The following PPM1A variants were observed in gnomAD, a reference collection of about 807,000 sequenced individuals.
PPM1A encodes the protein protein phosphatase 1A.
PPM1A carries 7 observed loss-of-function variants against 35.0 expected under a neutral mutation model. That is an observed-to-expected ratio of 0.20 (90% CI 0.11 to 0.38). The LOEUF (loss-of-function observed/expected upper bound fraction) is 0.38. Among genes scored for constraint, PPM1A ranks in the 10% least tolerant of loss-of-function variants. The pLI is 1.00. For synonymous variants in PPM1A, 153 were observed against 167.3 expected (o/e 0.91, Z 0.66); for missense variants, 239 against 467.8 (o/e 0.51, Z 4.51).
At chr14:60,287,186 A>AG in intron 3 of PPM1A, 1 of 940,016 alleles carries the variant, frequency 1.1e-6, no homozygotes, top group Non-Finnish European at 1.3e-6. Context: ...TTTTCTCTTT[A>AG]GTGTGTACAC....
In PPM1A at chr14:60,250,879, C is replaced by CT. The variant is rs1882323272; in HGVS notation, c.-21+1203dup. On this transcript the variant is annotated intron_variant, in intron 1 of 5. Coordinates refer to ENST00000395076, the MANE Select transcript of PPM1A (RefSeq NM_021003.5). The stretch of plus-strand genomic sequence containing the variant: ...ATTTAGCATAGCTTGGTCCCCAACT[C>CT]TCTTTGAAACACTTTACTTTTATAC... Among the ~76,000 whole-genome samples the CT allele has an allele frequency of 2.0e-5, 3 of 152,340 alleles. No homozygotes were observed. In the South Asian group the frequency reaches 6.2e-4, roughly 32 times the overall value.
chr14:60,286,287 A>G, intron 3 of PPM1A: 2 of 985,914 alleles, frequency 2.0e-6, no homozygotes, highest in Non-Finnish European at 2.4e-6. Context: ...CCTAAACAAG[A>G]TAGACCTCAA....
At position 60,289,838 on chromosome 14, in the gene PPM1A, G is replaced by A. The variant is rs756924885; in HGVS notation, c.985G>A (p.Asp329Asn). 36 of 1,606,960 alleles carry A rather than the reference G, an allele frequency of 2.2e-5. No individual in the cohort carries two copies. The highest frequency in any genetic ancestry group is 6.9e-5 in the Admixed American group (4 of 58,000). ...IIKKQGEGVP[D>N]LVHVMRTLAS... ...AAAGAAGCAGGGGGAAGGCGTCCCC[G>A]ACTTAGTCCATGTGATGCGCACATT... Residue 329 changes from aspartate to asparagine, a missense_variant, in exon 4 of 6, where the codon GAC becomes AAC. Physicochemically the swap from Asp to Asn is conservative, Grantham distance 23. Coordinates refer to ENST00000395076, the MANE Select transcript of PPM1A (RefSeq NM_021003.5). This position sits in a 1 kb window ranked among gnomAD's most constrained non-coding sequence, Gnocchi z 4.1.
chr14:60,269,386 T>C (rs772781973), intron 1 of PPM1A, among the ~76,000 whole-genome samples: 2 of 152,220 alleles, frequency 1.3e-5, no homozygotes, highest in African/African-American at 2.4e-5. Flanking sequence ...TGTCTTCTTA[T>C]TGCGTTTACA....
chr14:60,277,179 G>A (rs916091830), intron 1 of PPM1A: 9 of 319,160 alleles, frequency 2.8e-5, no homozygotes, highest in Non-Finnish European at 3.5e-5. Flanking sequence ...ATGGATATAC[G>A]CCAATTTAAT....
At chr14:60,268,308 T>C in intron 1 of PPM1A, 3 of 984,264 alleles carry the variant, frequency 3.0e-6, no homozygotes, top group Non-Finnish European at 3.6e-6. Context: ...TGGTCTTCAC[T>C]CTAGCACTAA....
Position 60,285,699 on chromosome 14 carries a change from A to G in PPM1A, c.910A>G (p.Lys304Glu). 2 of 1,614,088 alleles carry G rather than the reference A, an allele frequency of 1.2e-6. No individual in the cohort carries two copies. Among genetic ancestry groups the G allele is most frequent in the South Asian group, 1.1e-5 (1 of 91,054 alleles). The change falls in exon 3 of 6, where the codon AAG becomes GAG. Residue 304 changes from lysine to glutamate, a missense_variant. Physicochemically the swap from Lys to Glu is moderately conservative, Grantham distance 56. Coordinates refer to ENST00000395076, the MANE Select transcript of PPM1A (RefSeq NM_021003.5). ...APKVSPEAVK[K>E]EAELDKYLEC... ...CAAAGTATCGCCAGAAGCAGTGAAG[A>G]AGGAGGCAGAGTTGGACAAGTACCT... is the stretch of plus-strand genomic sequence containing the variant.
rs1435379478 is a variant in PPM1A at position 60,295,287 on chromosome 14, TC to T, written c.*2807del. On this transcript the variant is annotated 3_prime_UTR_variant, in exon 6 of 6. Coordinates refer to ENST00000395076, the MANE Select transcript of PPM1A (RefSeq NM_021003.5). ...ATTAACAGGGTAGAATCTCCTAATTTCCACTTTCTTGGGAATATACTTTTAT... is the reference window on the plus strand; with the variant it reads ...ATTAACAGGGTAGAATCTCCTAATTTCACTTTCTTGGGAATATACTTTTAT... 2 of 151,800 alleles carry T rather than the reference TC, an allele frequency of 1.3e-5. No individual in the cohort carries two copies. Among genetic ancestry groups the T allele is most frequent in the Non-Finnish European group, 3.0e-5 (2 of 67,764 alleles). 9.4% of individuals were successfully genotyped at this position (151,800 alleles called of 1,614,324 possible).
chr14:60,290,486 C>G (rs1348606315), intron 4 of PPM1A, among the ~76,000 whole-genome samples: 1 of 152,122 alleles, frequency 6.6e-6, no homozygotes, highest in Non-Finnish European at 1.5e-5. Context: ...TAAGCTTACA[C>G]CTTTACATAA....
In PPM1A at chr14:60,251,203, TC is replaced by T. The variant is rs1271049329; in HGVS notation, c.-21+1528del. On this transcript the variant is annotated intron_variant, in intron 1 of 5. Transcript: ENST00000395076. ...CACATTATTGAAACTATAATGAACT[TC>T]CTGCACATGGCAGTTGCCTAAGACA... 2.6e-5 allele frequency among the ~76,000 whole-genome samples: 4 copies of T among 152,372 alleles called. No individual in the cohort carries two copies. In the East Asian group the frequency reaches 5.8e-4, roughly 22 times the overall value.
intron 1 of PPM1A, among the ~76,000 whole-genome samples, chr14:60,263,226 A>AT (rs1267847610): frequency 6.6e-6 from 1 of 152,128 alleles, no homozygotes; most frequent in East Asian, 1.9e-4. Flanking sequence ...CAAAAAAAAA[A>AT]GTTCCTGGGC....
At chr14:60,274,671 T>G (rs1055164631) in intron 1 of PPM1A, among the ~76,000 whole-genome samples, 2 of 151,440 alleles carry the variant, frequency 1.3e-5, no homozygotes, top group Non-Finnish European at 2.9e-5. Flanking sequence ...TTCATTGAAA[T>G]GGTTCACTCA....
chr14:60,264,471 TAGAAC>T (rs1325501116), intron 1 of PPM1A, among the ~76,000 whole-genome samples: 1 of 152,190 alleles, frequency 6.6e-6, no homozygotes, highest in Non-Finnish European at 1.5e-5. Flanking sequence ...TTAAAGCACT[TAGAAC>T]AGAGCCTTGC....
At position 60,297,419 on chromosome 14, in the gene PPM1A, A is replaced by G. The variant is rs1325818461; in HGVS notation, c.*4937A>G. 1 of 151,732 alleles carries G rather than the reference A, an allele frequency of 6.6e-6. No homozygotes were observed. The highest frequency in any genetic ancestry group is 2.4e-5 in the African/African-American group (1 of 41,420). 9.4% of individuals were successfully genotyped at this position (151,732 alleles called of 1,614,324 possible). ...TTCAGATAATTTGATTTTTCCAGCA[A>G]GGAAATTAATAAGTTACTGATTCTT... On this transcript the variant is annotated 3_prime_UTR_variant, in exon 6 of 6. Transcript: ENST00000395076.
chr14:60,272,570 G>C (rs1005934732), intron 1 of PPM1A, among the ~76,000 whole-genome samples: 2 of 151,930 alleles, frequency 1.3e-5, no homozygotes, highest in African/African-American at 4.8e-5. Context: ...TTAACTGGGC[G>C]TGGTGGCACA....
chr14:60,269,797 C>T (rs958672356), intron 1 of PPM1A, among the ~76,000 whole-genome samples: 2 of 152,206 alleles, frequency 1.3e-5, no homozygotes, highest in African/African-American at 4.8e-5. Context: ...GATCCTCCTG[C>T]CTTGGCCTCC....
intron 3 of PPM1A, chr14:60,286,585 A>T: frequency 1.0e-6 from 1 of 985,312 alleles, no homozygotes; most frequent in Non-Finnish European, 1.2e-6. Context: ...AATGTCGTTA[A>T]TTTGCACGTT....
At chr14:60,247,046 T>C (rs1266557910), upstream of PPM1A, among the ~76,000 whole-genome samples, 1 of 152,214 alleles carries the variant, frequency 6.6e-6, no homozygotes, top group Non-Finnish European at 1.5e-5. Context: ...CTTCTGCTTA[T>C]AAATAAGAAA....
chr14:60,252,886 G>A (rs867751029), intron 1 of PPM1A, among the ~76,000 whole-genome samples: 5 of 152,110 alleles, frequency 3.3e-5, no homozygotes, highest in Non-Finnish European at 7.4e-5. Flanking sequence ...GGCTATCCAT[G>A]TACTACCTAG....
Sources: gnomAD v4.1 joint callset for allele counts (sites outside exome capture counted in the v4.1 genomes callset) on GRCh38, gnomAD v4.1.1 for gene constraint, Gnocchi (gnomAD v3.1) non-coding constraint, MANE v1.5 for transcripts, NCBI Gene and HGNC (gene_info 2026-07-23, HGNC 2026-07-21) for gene names.